The following MED13L variants were observed in gnomAD, a reference collection of about 807,000 sequenced individuals.
The protein encoded by MED13L is mediator complex subunit 13L, also known as mediator of RNA polymerase II transcription subunit 13-like.
Under a neutral mutation model 220.9 loss-of-function variants are expected in MED13L, and 7 were observed. The ratio of observed to expected loss-of-function variants is 0.03; its 90% CI spans 0.02 to 0.06. The LOEUF is 0.06. Among genes scored for constraint, MED13L ranks in the 10% least tolerant of loss-of-function variants. The pLI is 1.00. For synonymous variants in MED13L, 1,011 were observed against 1,015.2 expected (o/e 1.00, Z 0.08); for missense variants, 1,965 against 2,760.5 (o/e 0.71, Z 6.46).
At chr12:116,072,213 G>C (rs1219293547) in intron 4 of MED13L, among the ~76,000 whole-genome samples, 5 of 152,182 alleles carry the variant, frequency 3.3e-5, no homozygotes, top group Non-Finnish European at 7.3e-5. Flanking sequence ...ATTGCTTTTT[G>C]AGTCCAAAGA....
At position 115,970,624 on chromosome 12, in the gene MED13L, G is replaced by A; in HGVS notation, c.6037C>T (p.Pro2013Ser). 6.2e-7 allele frequency: 1 copy of A among 1,613,940 alleles called. No individual in the cohort carries two copies. The highest frequency in any genetic ancestry group is 8.5e-7 in the Non-Finnish European group (1 of 1,179,868). Residue 2013 changes from proline (P) to serine (S), a missense_variant, in exon 27 of 31, where the codon CCC becomes TCC. Pro to Ser is a moderately conservative substitution (Grantham distance 74). Around this residue, in one of 10 missense-constraint regions of MED13L, gnomAD observed 145 missense variants for 328.3 expected, o/e 0.44. Coordinates refer to ENST00000281928, the MANE Select transcript of MED13L (RefSeq NM_015335.5). Reference sequence around the variant, plus strand: ...TTGGGGCTAAACCCATCTTCATTGGGGTAGTTGGCTGGAGCCACCTGGATG... The same window carrying A: ...TTGGGGCTAAACCCATCTTCATTGGAGTAGTTGGCTGGAGCCACCTGGATG... ...STIQVAPANY[P>S]NEDGFSPNND...
intron 1 of MED13L, among the ~76,000 whole-genome samples, chr12:116,252,971 GAC>G (rs941129244): frequency 1.3e-5 from 2 of 152,076 alleles, no homozygotes; most frequent in Admixed American, 6.6e-5. Flanking sequence ...ATCTATTAAA[GAC>G]ACAGAGGGCC....
At chr12:115,972,527 C>T (rs1876659809) in intron 25 of MED13L, 1 of 397,810 alleles carries the variant, frequency 2.5e-6, no homozygotes, top group East Asian at 5.8e-5. Flanking sequence ...GATTTAGGCA[C>T]TTAGAGTGCT....
At chr12:116,037,689 A>T (rs2137528266) in intron 4 of MED13L, among the ~76,000 whole-genome samples, 1 of 152,294 alleles carries the variant, frequency 6.6e-6, no homozygotes, top group South Asian at 2.1e-4. Flanking sequence ...CCAGCACCGT[A>T]GTGGTATCAG....
intron 1 of MED13L, among the ~76,000 whole-genome samples, chr12:116,252,240 T>G (rs1363895464): frequency 1.3e-5 from 2 of 152,148 alleles, no homozygotes; most frequent in Admixed American, 1.3e-4. Flanking sequence ...TTTTTCCAAA[T>G]GCACATGGAA....
chr12:115,993,574 A>G (rs1451372852), intron 16 of MED13L, among the ~76,000 whole-genome samples: 2 of 152,056 alleles, frequency 1.3e-5, no homozygotes, highest in African/African-American at 4.8e-5. Context: ...AATGACCCAG[A>G]AAACTTGATT....
At position 115,985,960 on chromosome 12, in the gene MED13L, T is replaced by G. The variant is rs1473651559; in HGVS notation, c.4338+306A>C. ...AAGCTCATCTTCTACATAGCCACAC[T>G]TTCCCCTGGTGAGCAATATTCTTCA... On this transcript the variant is annotated intron_variant, in intron 19 of 30. Coordinates refer to ENST00000281928, the MANE Select transcript of MED13L (RefSeq NM_015335.5). Among the ~76,000 whole-genome samples the G allele has an allele frequency of 2.0e-5, 3 of 152,320 alleles. No homozygotes were observed. The East Asian group carries it at 5.8e-4, about 29-fold the overall frequency.
At chr12:116,135,988 C>T (rs1876517827) in intron 2 of MED13L, among the ~76,000 whole-genome samples, 1 of 151,710 alleles carries the variant, frequency 6.6e-6, no homozygotes, top group Admixed American at 6.6e-5. Flanking sequence ...ACTGCAACCT[C>T]CGCCTCCTGG....
At chr12:116,158,242 T>C (rs985483486) in intron 2 of MED13L, among the ~76,000 whole-genome samples, 1 of 151,614 alleles carries the variant, frequency 6.6e-6, no homozygotes, top group Non-Finnish European at 1.5e-5. Flanking sequence ...AAACCTAGGA[T>C]GACTTCAACT....
chr12:116,124,850 T>C (rs1345791172), intron 2 of MED13L, among the ~76,000 whole-genome samples: 1 of 152,228 alleles, frequency 6.6e-6, no homozygotes, highest in Non-Finnish European at 1.5e-5. Flanking sequence ...CTTCTGTTGG[T>C]TTACACATGT....
At chr12:116,188,706 C>T (rs1368512248) in intron 2 of MED13L, among the ~76,000 whole-genome samples, 1 of 152,102 alleles carries the variant, frequency 6.6e-6, no homozygotes, top group Admixed American at 6.6e-5. Context: ...GCCTCATGTT[C>T]CCCTTTTATA....
At chr12:116,134,387 T>A (rs1042934076) in intron 2 of MED13L, among the ~76,000 whole-genome samples, 10 of 152,180 alleles carry the variant, frequency 6.6e-5, no homozygotes, top group African/African-American at 2.2e-4. Flanking sequence ...ATTTACAATT[T>A]ATATTACATA....
At chr12:116,215,911 C>T (rs560544791) in intron 2 of MED13L, among the ~76,000 whole-genome samples, 120 of 152,288 alleles carry the variant, frequency 7.9e-4, no homozygotes, top group African/African-American at 2.8e-3. Flanking sequence ...ACCTAATTCT[C>T]TTCTCAAGAC....
intron 2 of MED13L, among the ~76,000 whole-genome samples, chr12:116,133,545 C>A (rs1271587111): frequency 6.6e-6 from 1 of 152,112 alleles, no homozygotes; most frequent in African/African-American, 2.4e-5. Context: ...CAGGCAGGCC[C>A]CTGAGCCCAC....
In MED13L at chr12:116,277,294, C is replaced by G. The variant is rs1345335517; in HGVS notation, c.-163G>C. On this transcript the variant is annotated 5_prime_UTR_variant, in exon 1 of 31. Transcript: ENST00000281928. Reference sequence around the variant, plus strand: ...GCCGGCGGGCAGGCGGGAGGCGCCGCGGCGACGCCGCGCCGGGGGCAGCGG... The same window carrying G: ...GCCGGCGGGCAGGCGGGAGGCGCCGGGGCGACGCCGCGCCGGGGGCAGCGG... 3.6e-4 allele frequency: 2 copies of G among 5,592 alleles called. No individual in the cohort carries two copies. The highest frequency in any genetic ancestry group is 4.0e-4 in the Non-Finnish European group (2 of 4,966). The allele number at this position is 5,592 out of a possible 1,614,324, so 0.3% of individuals were successfully genotyped here.
chr12:116,179,454 C>T (rs932765498), intron 2 of MED13L, among the ~76,000 whole-genome samples: 1 of 151,758 alleles, frequency 6.6e-6, no homozygotes, highest in East Asian at 1.9e-4. Flanking sequence ...TACTAAAAAT[C>T]AAAAAAATTA....
chr12:116,256,789 G>A (rs1423595743), intron 1 of MED13L, among the ~76,000 whole-genome samples: 1 of 146,050 alleles, frequency 6.8e-6, no homozygotes, highest in South Asian at 2.2e-4. Flanking sequence ...AGGTTCAAGC[G>A]ATTCTCCCAC....
In MED13L at chr12:116,005,976, C is replaced by G; in HGVS notation, c.2362G>C (p.Ala788Pro). The change falls in exon 13 of 31, where the codon GCT becomes CCT. Residue 788 changes from alanine (A) to proline (P), a missense_variant. By Grantham distance (27) the Ala-to-Pro change is conservative. This residue lies in a region of MED13L where 818 missense variants were observed against 1,041.2 expected (regional missense o/e 0.79). Transcript: ENST00000281928. Reference protein sequence around the residue: ...ATKTDVRQDNAAGRAGSSSLT... With the variant: ...ATKTDVRQDNPAGRAGSSSLT... ...CTACTGGAGCCAGCTCTGCCAGCAG[C>G]ATTATCCTGCCGGACATCTGTAGGA... is the stretch of plus-strand genomic sequence containing the variant. 1 of 1,613,608 alleles carries G rather than the reference C, an allele frequency of 6.2e-7. No homozygotes were observed. Among genetic ancestry groups the G allele is most frequent in the South Asian group, 1.1e-5 (1 of 91,060 alleles).
Position 116,194,563 on chromosome 12 carries a change from A to G in MED13L, c.310+42905T>C, listed in dbSNP as rs1377869320. Among the ~76,000 whole-genome samples, 3 of 152,284 alleles carry G rather than the reference A, an allele frequency of 2.0e-5. No individual in the cohort carries two copies. In the East Asian group the frequency reaches 5.8e-4, roughly 29 times the overall value. ...ATCCTCAATCCATCTGATCAAATTCACCTTAACCACATTCAAAAGCATCAC... is the reference window on the plus strand; with the variant it reads ...ATCCTCAATCCATCTGATCAAATTCGCCTTAACCACATTCAAAAGCATCAC... On this transcript the variant is annotated intron_variant, in intron 2 of 30. Transcript: ENST00000281928.
Sources: gnomAD v4.1 joint callset for allele counts (sites outside exome capture counted in the v4.1 genomes callset) on GRCh38, gnomAD v4.1.1 for gene constraint, gnomAD v4.1.1 regional missense constraint, MANE v1.5 for transcripts, NCBI Gene and HGNC (gene_info 2026-07-23, HGNC 2026-07-21) for gene names.